Variants in MICU1 observed in about 807,000 individuals in gnomAD.
The protein encoded by MICU1 is mitochondrial calcium uptake 1, also known as calcium uptake protein 1, mitochondrial.
In MICU1, 45 loss-of-function variants were observed where a neutral mutation model predicts 56.8. The ratio of observed to expected loss-of-function variants is 0.79; its 90% CI spans 0.62 to 1.02. The LOEUF is 1.02. MICU1 is among the 50% of genes least tolerant of loss of function. The probability of loss-of-function intolerance (pLI) is 0.00; values close to 1 mark genes in which losing one functional copy is unlikely to be tolerated. For synonymous variants in MICU1, 186 were observed against 195.1 expected (o/e 0.95, Z 0.39); for missense variants, 504 against 587.1 (o/e 0.86, Z 1.46).
At chr10:72,595,447 CAAAA>C (rs1255926638) in intron 1 of MICU1, among the ~76,000 whole-genome samples, 2 of 41,178 alleles carry the variant, frequency 4.9e-5, no homozygotes, top group Non-Finnish European at 1.0e-4. Flanking sequence ...GACTCTGTCT[CAAAA>C]AAAAAAAAAA....
chr10:72,433,371 C>T (rs1378977006), intron 8 of MICU1, among the ~76,000 whole-genome samples: 2 of 151,718 alleles, frequency 1.3e-5, no homozygotes, highest in East Asian at 1.9e-4. Flanking sequence ...CTCAGTCTCC[C>T]GAGTAGCTGG....
At chr10:72,462,168 T>C (rs888209667) in intron 8 of MICU1, among the ~76,000 whole-genome samples, 4 of 152,094 alleles carry the variant, frequency 2.6e-5, no homozygotes, top group African/African-American at 9.7e-5. Flanking sequence ...TTAACAATTT[T>C]TGAACTTTAT....
chr10:72,623,656 A>G (rs1243483910), intron 1 of MICU1, among the ~76,000 whole-genome samples: 1 of 152,142 alleles, frequency 6.6e-6, no homozygotes, highest in East Asian at 1.9e-4. Context: ...AGCCTGGCCA[A>G]CATGTAAAAC....
Position 72,577,539 on chromosome 10 carries a change from A to G in MICU1, c.-1-10745T>C, listed in dbSNP as rs570300933. On this transcript the variant is annotated intron_variant, in intron 1 of 11. Coordinates refer to ENST00000361114, the MANE Select transcript of MICU1 (RefSeq NM_001195518.2). ...AAAAAAAAAAAAAGTATACAGCCAT[A>G]CCACCCTGAAAGCACCCAATCTCAT... 7.3e-5 allele frequency among the ~76,000 whole-genome samples: 11 copies of G among 151,644 alleles called. 1 individual carries two copies. In the South Asian group the frequency reaches 2.3e-3, roughly 32 times the overall value.
intron 6 of MICU1, among the ~76,000 whole-genome samples, chr10:72,487,463 C>T (rs781039404): frequency 6.6e-6 from 1 of 152,054 alleles, no homozygotes; most frequent in Non-Finnish European, 1.5e-5. Context: ...CATGGCTTTA[C>T]CAGCGTGTCC....
chr10:72,528,136 A>T (rs918560242), intron 5 of MICU1, among the ~76,000 whole-genome samples: 3 of 152,138 alleles, frequency 2.0e-5, no homozygotes, highest in Non-Finnish European at 4.4e-5. Context: ...CAGAAATTTC[A>T]CTTCAAACCA....
rs1195705312 is a variant in MICU1 at position 72,423,218 on chromosome 10, A to G, written c.1071+16T>C. The G allele has an allele frequency of 6.2e-7, 1 of 1,608,986 alleles. No individual in the cohort carries two copies. The highest frequency in any genetic ancestry group is 8.5e-7 in the Non-Finnish European group (1 of 1,177,762). The stretch of plus-strand genomic sequence containing the variant: ...TTACCACGGTTTCTCTTCTTCCTCC[A>G]GCCAAAGCTACCTACCTTTCCTTCT... On this transcript the variant is annotated intron_variant, in intron 9 of 11. Coordinates refer to ENST00000361114, the MANE Select transcript of MICU1 (RefSeq NM_001195518.2).
chr10:72,377,655 A>G (rs1862568902), intron 10 of MICU1, among the ~76,000 whole-genome samples: 1 of 152,124 alleles, frequency 6.6e-6, no homozygotes, highest in Non-Finnish European at 1.5e-5. Flanking sequence ...CCTATAAATC[A>G]TGTTATTGCT....
At chr10:72,459,328 C>A (rs1191609861) in intron 8 of MICU1, among the ~76,000 whole-genome samples, 1 of 152,148 alleles carries the variant, frequency 6.6e-6, no homozygotes, top group African/African-American at 2.4e-5. Context: ...GAGACTCCAT[C>A]TCAAAAACAA....
At chr10:72,472,730 T>C (rs1865988387) in intron 8 of MICU1, among the ~76,000 whole-genome samples, 1 of 152,220 alleles carries the variant, frequency 6.6e-6, no homozygotes, top group Non-Finnish European at 1.5e-5. Context: ...GAAACAATGC[T>C]TAACAAAACC....
Position 72,368,348 on chromosome 10 carries a change from G to A in MICU1, c.1278C>T (p.Gly426=), listed in dbSNP as rs751988387. The change falls in exon 12 of 12, where the codon GGC becomes GGT. Residue 426 remains glycine, a synonymous_variant. Coordinates refer to ENST00000361114, the MANE Select transcript of MICU1 (RefSeq NM_001195518.2). ...AAACAAATTCCTTATTGCTCAGTTCGCCATTGCCTAGAGGAAGAGGCAAAA... is the reference window on the plus strand; with the variant it reads ...AAACAAATTCCTTATTGCTCAGTTCACCATTGCCTAGAGGAAGAGGCAAAA... ...VFALFDCDGN[G]ELSNKEFVSI... 4 of 1,612,896 alleles carry A rather than the reference G, an allele frequency of 2.5e-6. No homozygotes were observed. The highest frequency in any genetic ancestry group is 1.3e-5 in the African/African-American group (1 of 74,876).
chr10:72,571,040 C>T (rs1450195571), intron 1 of MICU1, among the ~76,000 whole-genome samples: 1 of 152,172 alleles, frequency 6.6e-6, no homozygotes, highest in Admixed American at 6.6e-5. Flanking sequence ...TGGAAGTTTT[C>T]AATGTTTAAA....
In MICU1 at chr10:72,475,292, C is replaced by T. The variant is rs376759796; in HGVS notation, c.741G>A (p.Gln247=). Reference sequence around the variant, plus strand: ...TACTGGTTTGGGAGCGAATGATGCTCTGAACCTAATACAGAATCAAACCCA... The same window carrying T: ...TACTGGTTTGGGAGCGAATGATGCTTTGAACCTAATACAGAATCAAACCCA... ...EVDMEEFEQV[Q]SIIRSQTSMG... The change falls in exon 8 of 12, where the codon CAG becomes CAA. Residue 247 remains glutamine (Q), a synonymous_variant. Coordinates refer to ENST00000361114, the MANE Select transcript of MICU1 (RefSeq NM_001195518.2). The T allele has an allele frequency of 1.2e-6, 2 of 1,600,630 alleles. No individual in the cohort carries two copies. Among genetic ancestry groups the T allele is most frequent in the Admixed American group, 1.7e-5 (1 of 58,020 alleles).
chr10:72,605,912 C>T (rs1158675962), intron 1 of MICU1, among the ~76,000 whole-genome samples: 2 of 152,196 alleles, frequency 1.3e-5, no homozygotes, highest in East Asian at 1.9e-4. Context: ...GGGTGGATCA[C>T]CTGAGGTCAG....
At chr10:72,511,676 T>G (rs1296506299) in intron 5 of MICU1, among the ~76,000 whole-genome samples, 3 of 152,162 alleles carry the variant, frequency 2.0e-5, no homozygotes, top group African/African-American at 4.8e-5. Context: ...TCTTGAGAAA[T>G]TTTATCTTTC....
intron 8 of MICU1, among the ~76,000 whole-genome samples, chr10:72,452,562 A>C (rs74148009): frequency 0.045 from 6,793 of 152,226 alleles, 415 homozygotes; most frequent in East Asian, 0.19. Context: ...ATGATGGTGT[A>C]TATGTTTAGA....
chr10:72,475,061 C>T (rs1866071197), intron 8 of MICU1, 39 bp downstream of exon 8: 1 of 1,561,026 alleles, frequency 6.4e-7, no homozygotes, highest in Non-Finnish European at 8.7e-7. Flanking sequence ...CCCATCAGTT[C>T]CACATGTGAT....
At chr10:72,388,656 T>C (rs2132061433) in intron 10 of MICU1, among the ~76,000 whole-genome samples, 1 of 152,300 alleles carries the variant, frequency 6.6e-6, no homozygotes, top group South Asian at 2.1e-4. Context: ...AAGGACTTCA[T>C]TCTCACCCTA....
chr10:72,571,172 T>G (rs2132485855), intron 1 of MICU1, among the ~76,000 whole-genome samples: 1 of 152,294 alleles, frequency 6.6e-6, no homozygotes, highest in Non-Finnish European at 1.5e-5. Flanking sequence ...GAGACCAGCC[T>G]GGCCAACATG....
Sources: allele counts gnomAD v4.1 joint callset (sites outside exome capture counted in the v4.1 genomes callset), GRCh38; gene constraint gnomAD v4.1.1; transcripts MANE v1.5; gene names NCBI Gene and HGNC (gene_info 2026-07-23, HGNC 2026-07-21).